NLGN4X: variants seen among roughly 807,000 people sequenced by gnomAD.
NLGN4X encodes the protein neuroligin-4, X-linked.
NLGN4X carries 3 observed loss-of-function variants against 40.3 expected under a neutral mutation model. That is an observed-to-expected ratio of 0.07 (90% CI 0.03 to 0.19). NLGN4X has a LOEUF of 0.19. NLGN4X is among the 10% of genes least tolerant of loss of function. The pLI, the probability that NLGN4X is intolerant of heterozygous loss-of-function variation, is 1.00. For synonymous variants in NLGN4X, 270 were observed against 306.8 expected (o/e 0.88, Z 1.25); for missense variants, 382 against 708.3 (o/e 0.54, Z 5.23).
intron 3 of NLGN4X, among the ~76,000 whole-genome samples, chrX:6,026,620 A>C (rs1348533740): frequency 8.9e-6 from 1 of 111,754 alleles, no homozygotes; most frequent in Non-Finnish European, 1.9e-5. Context: ...TAAAATCGGC[A>C]AACTTGGCAC....
chrX:6,177,059 G>T (rs1318134503), intron 1 of NLGN4X, among the ~76,000 whole-genome samples: 1 of 112,186 alleles, frequency 8.9e-6, no homozygotes, highest in African/African-American at 3.2e-5. Context: ...CAAAGTAAAA[G>T]GGAAAATATT....
intron 3 of NLGN4X, among the ~76,000 whole-genome samples, chrX:5,950,747 A>G (rs896116133): frequency 4.5e-5 from 5 of 112,184 alleles, no homozygotes; most frequent in Non-Finnish European, 9.4e-5. Flanking sequence ...CACAAGTTCT[A>G]GTGTTCAATC....
chrX:6,113,789 G>T (rs2039209208), intron 2 of NLGN4X, among the ~76,000 whole-genome samples: 1 of 110,786 alleles, frequency 9.0e-6, no homozygotes, highest in South Asian at 3.8e-4. Flanking sequence ...TGCAGAATTA[G>T]ATCTACCTCT....
In NLGN4X at chrX:5,892,802, G is replaced by A. The variant is rs765147883; in HGVS notation, c.*15C>T. 2.5e-6 allele frequency: 3 copies of A among 1,210,868 alleles called. No homozygotes were observed. Among genetic ancestry groups the A allele is most frequent in the Non-Finnish European group, 3.4e-6 (3 of 895,062 alleles). On this transcript the variant is annotated 3_prime_UTR_variant, in exon 6 of 6. Transcript: ENST00000381095. ...GCGGGTAGGGCAGAGGGATAGGAAG[G>A]GAAATAGGGCAAAGCTATACTCTAG...
chrX:6,049,227 AAGGGGAGGGGAGGGGAGGGG>A (rs376281656), intron 2 of NLGN4X, among the ~76,000 whole-genome samples: 1,232 of 9,575 alleles, frequency 0.13, 121 homozygotes, highest in African/African-American at 0.32. Context: ...CAGGCCAGGA[AAGGGGAGGGGAGGGGAGGGG>A]AGGGGAGGGG....
At chrX:6,167,865 T>C (rs2040529504) in intron 1 of NLGN4X, among the ~76,000 whole-genome samples, 1 of 112,181 alleles carries the variant, frequency 8.9e-6, no homozygotes, top group Admixed American at 9.5e-5. Context: ...TTTTGAATTA[T>C]AACCTGAACC....
intron 3 of NLGN4X, among the ~76,000 whole-genome samples, chrX:6,023,780 T>C (rs1427452136): frequency 8.9e-6 from 1 of 112,110 alleles, no homozygotes; most frequent in Non-Finnish European, 1.9e-5. Flanking sequence ...CATGAAGTCA[T>C]AGGATCACCA....
At position 6,112,959 on chromosome X, in the gene NLGN4X, C is replaced by T. The variant is rs756073492; in HGVS notation, c.472+38036G>A. Among the ~76,000 whole-genome samples the T allele has an allele frequency of 4.5e-5, 5 of 110,879 alleles. No individual in the cohort carries two copies. In the South Asian group the frequency reaches 1.9e-3, roughly 43 times the overall value. On this transcript the variant is annotated intron_variant, in intron 2 of 5. Coordinates refer to ENST00000381095, the MANE Select transcript of NLGN4X (RefSeq NM_181332.3). ...ATGAAAGTGGCACTTCACCTCTGGT[C>T]TTCCTCTGCACAATCCATAGCCCCC... is the stretch of plus-strand genomic sequence containing the variant.
chrX:5,939,097 T>C (rs1212453677), intron 3 of NLGN4X, among the ~76,000 whole-genome samples: 1 of 109,880 alleles, frequency 9.1e-6, no homozygotes, highest in Admixed American at 9.9e-5. Context: ...TTTAGCCACC[T>C]CTACGAATGG....
In NLGN4X at chrX:5,953,912, G is replaced by T. The variant is rs773605294; in HGVS notation, c.626-44673C>A. Among the ~76,000 whole-genome samples, 4 of 111,544 alleles carry T rather than the reference G, an allele frequency of 3.6e-5. No individual in the cohort carries two copies. The East Asian group carries it at 8.6e-4, about 24-fold the overall frequency. On this transcript the variant is annotated intron_variant, in intron 3 of 5. Transcript: ENST00000381095. Reference sequence around the variant, plus strand: ...CCTTGAAGGCCTCTTTTTCCTTATGGATTGTGAATTTGAATGAAAGTGCAG... The same window carrying T: ...CCTTGAAGGCCTCTTTTTCCTTATGTATTGTGAATTTGAATGAAAGTGCAG...
At chrX:6,205,167 G>A (rs1007293802) in intron 1 of NLGN4X, among the ~76,000 whole-genome samples, 2 of 112,286 alleles carry the variant, frequency 1.8e-5, no homozygotes, top group African/African-American at 6.5e-5. Flanking sequence ...CATGAACCCT[G>A]ACAGCATCCC....
At chrX:6,090,182 C>G (rs1331255954) in intron 2 of NLGN4X, among the ~76,000 whole-genome samples, 1 of 111,526 alleles carries the variant, frequency 9.0e-6, no homozygotes, top group African/African-American at 3.3e-5. Context: ...ATAATAATCT[C>G]AGGGTTGAGC....
At chrX:5,998,653 T>C (rs1239007260) in intron 3 of NLGN4X, among the ~76,000 whole-genome samples, 5 of 111,592 alleles carry the variant, frequency 4.5e-5, no homozygotes, top group Non-Finnish European at 7.5e-5. Flanking sequence ...CAAGGCATAG[T>C]AGATTATTTT....
intron 5 of NLGN4X, among the ~76,000 whole-genome samples, chrX:5,899,684 T>G (rs1466359174): frequency 1.0e-5 from 1 of 95,404 alleles, no homozygotes; most frequent in Non-Finnish European, 2.2e-5. Flanking sequence ...TTTTCTGTCT[T>G]TTTTCCTTTT....
At chrX:5,928,709 T>C (rs930414822) in intron 3 of NLGN4X, among the ~76,000 whole-genome samples, 14 of 112,066 alleles carry the variant, frequency 1.2e-4, no homozygotes, top group African/African-American at 3.6e-4. Flanking sequence ...CTGAGCTTCA[T>C]GGAAGCCCCT....
intron 3 of NLGN4X, among the ~76,000 whole-genome samples, chrX:5,934,147 G>C (rs1394791675): frequency 1.8e-5 from 2 of 111,552 alleles, no homozygotes; most frequent in African/African-American, 6.5e-5. Context: ...ATCATGCAGT[G>C]TTTACCTTTC....
intron 1 of NLGN4X, among the ~76,000 whole-genome samples, chrX:6,168,092 A>G (rs966298744): frequency 8.9e-5 from 10 of 111,912 alleles, no homozygotes; most frequent in African/African-American, 3.2e-4. Context: ...ACTCCGGCCT[A>G]TTCTTCCTAA....
intron 1 of NLGN4X, among the ~76,000 whole-genome samples, chrX:6,155,607 T>C (rs1173621552): frequency 8.9e-6 from 1 of 111,822 alleles, no homozygotes; most frequent in Non-Finnish European, 1.9e-5. Flanking sequence ...CTGCTCAACA[T>C]CCATCCAACA....
At chrX:5,969,397 T>A (rs1418485045) in intron 3 of NLGN4X, among the ~76,000 whole-genome samples, 2 of 111,629 alleles carry the variant, frequency 1.8e-5, no homozygotes, top group Non-Finnish European at 3.8e-5. Flanking sequence ...AGAAGACATT[T>A]ATGCAGCCAA....
Sources: gnomAD v4.1 joint callset for allele counts (sites outside exome capture counted in the v4.1 genomes callset) on GRCh38, gnomAD v4.1.1 for gene constraint, MANE v1.5 for transcripts, NCBI Gene and HGNC (gene_info 2026-07-23, HGNC 2026-07-21) for gene names.